The following TBXAS1 variants were observed in gnomAD, a reference collection of about 807,000 sequenced individuals.
The protein encoded by TBXAS1 is thromboxane-A synthase.
Under a neutral mutation model 60.7 loss-of-function variants are expected in TBXAS1, and 48 were observed. That is an observed-to-expected ratio of 0.79 (90% CI 0.63 to 1.01). The LOEUF is 1.01. TBXAS1 is among the 50% of genes least tolerant of loss of function. The pLI is 0.00. For missense variants in TBXAS1, 685 were observed against 686.3 expected, an observed-to-expected ratio of 1.00 and a Z score of 0.02; for synonymous variants, 287 against 269.7, an observed-to-expected ratio of 1.06 and a Z score of -0.63.
chr7:139,844,608 G>A (rs1472981733), intron 1 of TBXAS1, among the ~76,000 whole-genome samples: 1 of 152,150 alleles, frequency 6.6e-6, no homozygotes, highest in Non-Finnish European at 1.5e-5. Flanking sequence ...TAGGCTCTTT[G>A]AAATATTGAA....
intron 3 of TBXAS1, among the ~76,000 whole-genome samples, chr7:139,911,012 G>A (rs986903209): frequency 6.6e-6 from 1 of 152,210 alleles, no homozygotes. Flanking sequence ...CCGGTGCAAG[G>A]TGGCATTCCA....
intron 9 of TBXAS1, among the ~76,000 whole-genome samples, chr7:139,986,799 G>GTGTA (rs761457610): frequency 3.1e-4 from 26 of 82,672 alleles, no homozygotes; most frequent in Admixed American, 7.6e-4. Flanking sequence ...GTGTGTGTGT[G>GTGTA]TATATATATA....
At chr7:139,869,090 C>T (rs1801639434) in intron 1 of TBXAS1, among the ~76,000 whole-genome samples, 1 of 152,160 alleles carries the variant, frequency 6.6e-6, no homozygotes, top group South Asian at 2.1e-4. Flanking sequence ...TGAGCCACCA[C>T]ACCCAGACCA....
At chr7:139,907,464 G>A (rs1288013776) in intron 3 of TBXAS1, among the ~76,000 whole-genome samples, 3 of 152,072 alleles carry the variant, frequency 2.0e-5, no homozygotes, top group Non-Finnish European at 4.4e-5. Context: ...AGAGATACTG[G>A]TCTATACTTT....
chr7:139,812,660 CCA>C (rs1164175257), intron 4 of TBXAS1, among the ~76,000 whole-genome samples: 1 of 152,152 alleles, frequency 6.6e-6, no homozygotes, highest in African/African-American at 2.4e-5. Context: ...ATTCCTATCC[CCA>C]GTTTTTGGGG....
At chr7:139,845,081 CCT>C (rs1799709192) in intron 1 of TBXAS1, among the ~76,000 whole-genome samples, 1 of 152,134 alleles carries the variant, frequency 6.6e-6, no homozygotes, top group Non-Finnish European at 1.5e-5. Flanking sequence ...CCCAAGTGTT[CCT>C]CTCTCTATCT....
At chr7:139,813,074 T>TAAATAAAATAAAATA (rs56001115) in intron 4 of TBXAS1, among the ~76,000 whole-genome samples, 8 of 143,024 alleles carry the variant, frequency 5.6e-5, no homozygotes, top group African/African-American at 2.1e-4. Flanking sequence ...TAAAATAAAA[T>TAAATAAAATAAAATA]AAATAAAATA....
At chr7:139,843,867 G>A (rs1799630431) in intron 1 of TBXAS1, among the ~76,000 whole-genome samples, 1 of 152,236 alleles carries the variant, frequency 6.6e-6, no homozygotes, top group South Asian at 2.1e-4. Flanking sequence ...TATGGAAGAG[G>A]GTAGAATCAG....
At chr7:139,822,988 T>C (rs1411000753) in intron 4 of TBXAS1, among the ~76,000 whole-genome samples, 1 of 152,004 alleles carries the variant, frequency 6.6e-6, no homozygotes, top group African/African-American at 2.4e-5. Context: ...AACTTCTTGG[T>C]ATGGCCCGCA....
In TBXAS1 at chr7:140,020,132, C is replaced by A; in HGVS notation, c.*33C>A. The A allele has an allele frequency of 1.2e-6, 2 of 1,607,106 alleles. No homozygotes were observed. The highest frequency in any genetic ancestry group is 2.2e-5 in the South Asian group (2 of 90,912). ...GGCTGCCGGGTGGGGGGAGGGCACC[C>A]CCAAATTCAAAGAAAACCCTAAGTG... On this transcript the variant is annotated 3_prime_UTR_variant, in exon 13 of 13. Transcript: ENST00000448866.
intron 5 of TBXAS1, among the ~76,000 whole-genome samples, chr7:139,948,619 A>G (rs1008816657): frequency 2.0e-5 from 3 of 152,250 alleles, no homozygotes; most frequent in African/African-American, 7.2e-5. Flanking sequence ...ATTACTCATT[A>G]TCCCATGAAG....
Position 140,017,690 on chromosome 7 carries a change from C to A in TBXAS1, c.1384C>A (p.Gln462Lys). The change falls in exon 12 of 13, where the codon CAG becomes AAG. Residue 462 changes from glutamine to lysine, a missense_variant. By Grantham distance (53) the Gln-to-Lys change is moderately conservative. Transcript: ENST00000448866. The stretch of plus-strand genomic sequence containing the variant: ...CTGCAGGTTCACGGCTGAGGCCCGG[C>A]AGCAGCACCGGCCCTTCACGTACCT... ...NPERFTAEARQQHRPFTYLPF... is the reference protein window; with the variant it reads ...NPERFTAEARKQHRPFTYLPF... 6.2e-7 allele frequency: 1 copy of A among 1,613,378 alleles called. No individual in the cohort carries two copies. The highest frequency in any genetic ancestry group is 8.5e-7 in the Non-Finnish European group (1 of 1,179,810).
intron 5 of TBXAS1, among the ~76,000 whole-genome samples, chr7:139,942,229 A>G (rs1808347193): frequency 6.6e-6 from 1 of 152,250 alleles, no homozygotes; most frequent in Non-Finnish European, 1.5e-5. Flanking sequence ...CCCATAGTCA[A>G]ATAATTTGGT....
chr7:139,869,251 CT>C (rs1398361059), intron 1 of TBXAS1, among the ~76,000 whole-genome samples: 1 of 152,188 alleles, frequency 6.6e-6, no homozygotes, highest in East Asian at 1.9e-4. Context: ...CATACCTTGG[CT>C]TGCAGTGGCC....
chr7:139,801,467 G>T, intron 4 of TBXAS1, among the ~76,000 whole-genome samples: 1 of 109,196 alleles, frequency 9.2e-6, no homozygotes, highest in Non-Finnish European at 1.9e-5. Context: ...TGATCTCTTT[G>T]TCCTTTTTTT....
chr7:139,823,418 C>T (rs971522284), intron 4 of TBXAS1, among the ~76,000 whole-genome samples: 2 of 151,958 alleles, frequency 1.3e-5, no homozygotes, highest in African/African-American at 4.8e-5. Flanking sequence ...CCTGATCTCC[C>T]GCTCTCAGAA....
At chr7:140,009,685 A>G (rs867896175) in intron 10 of TBXAS1, among the ~76,000 whole-genome samples, 4 of 25,560 alleles carry the variant, frequency 1.6e-4, no homozygotes, top group South Asian at 2.6e-3. Flanking sequence ...CCCCACACCC[A>G]CCCCACACCT....
chr7:139,961,554 A>G (rs901476248), intron 8 of TBXAS1, among the ~76,000 whole-genome samples: 1 of 152,164 alleles, frequency 6.6e-6, no homozygotes, highest in Admixed American at 6.5e-5. Context: ...TATTTAGTAC[A>G]TTTGCTGTTT....
At chr7:139,818,774 G>T (rs1361672649) in intron 4 of TBXAS1, among the ~76,000 whole-genome samples, 1 of 152,176 alleles carries the variant, frequency 6.6e-6, no homozygotes, top group East Asian at 1.9e-4. Context: ...GGGTCCAGCT[G>T]GGCTGGTGAG....
Sources: allele counts gnomAD v4.1 joint callset (sites outside exome capture counted in the v4.1 genomes callset), GRCh38; gene constraint gnomAD v4.1.1; transcripts MANE v1.5; gene names NCBI Gene and HGNC (gene_info 2026-07-23, HGNC 2026-07-21).